COX10: variants seen among roughly 807,000 people sequenced by gnomAD.
COX10 encodes the protein protoheme IX farnesyltransferase, mitochondrial.
In COX10, 27 loss-of-function variants were observed where a neutral mutation model predicts 37.3. The ratio of observed to expected loss-of-function variants is 0.72; its 90% CI spans 0.53 to 1.00. The LOEUF (loss-of-function observed/expected upper bound fraction) is 1.00, where lower values mean the gene tolerates loss of function less well. Ranked by LOEUF, COX10 falls within the 50% of genes least tolerant of loss-of-function variation. The pLI is 0.00. For missense variants in COX10, 475 were observed against 563.2 expected (o/e 0.84, Z 1.59); for synonymous variants, 222 against 229.1 (o/e 0.97, Z 0.28).
intron 6 of COX10, among the ~76,000 whole-genome samples, chr17:14,199,785 T>C (rs1489100031): frequency 6.6e-6 from 1 of 152,216 alleles, no homozygotes; most frequent in Non-Finnish European, 1.5e-5. Flanking sequence ...TCTATTGCAC[T>C]GTTGAAGCTG....
At chr17:14,092,699 A>T (rs894822006) in intron 3 of COX10, among the ~76,000 whole-genome samples, 4 of 152,258 alleles carry the variant, frequency 2.6e-5, no homozygotes, top group Admixed American at 2.0e-4. Flanking sequence ...AGCCTAAAAA[A>T]CTCACTTAAG....
chr17:14,089,202 G>A (rs1392292198), intron 3 of COX10, among the ~76,000 whole-genome samples: 1 of 152,128 alleles, frequency 6.6e-6, no homozygotes, highest in African/African-American at 2.4e-5. Context: ...ACATGAAGCT[G>A]CCTGCCTCTT....
chr17:14,119,517 A>G (rs998564746), intron 4 of COX10, among the ~76,000 whole-genome samples: 1 of 152,220 alleles, frequency 6.6e-6, no homozygotes, highest in Admixed American at 6.5e-5. Flanking sequence ...AAATAATTAT[A>G]AACCTTATTT....
chr17:14,104,396 G>A (rs1169126335), intron 4 of COX10, among the ~76,000 whole-genome samples: 2 of 152,118 alleles, frequency 1.3e-5, no homozygotes, highest in Admixed American at 6.6e-5. Context: ...TTTTTAAATA[G>A]GGTAAGCAGA....
At chr17:14,131,605 C>T (rs909872045) in intron 4 of COX10, among the ~76,000 whole-genome samples, 7 of 151,936 alleles carry the variant, frequency 4.6e-5, no homozygotes, top group Non-Finnish European at 8.8e-5. Flanking sequence ...GCACATAGAG[C>T]AGGTCAAGAA....
At chr17:14,110,877 T>C (rs10521258) in intron 4 of COX10, among the ~76,000 whole-genome samples, 16,417 of 152,148 alleles carry the variant, frequency 0.11, 1,025 homozygotes, top group South Asian at 0.16. Flanking sequence ...AAGGTTTAAT[T>C]TGTGAACATT....
At chr17:14,138,676 C>G (rs1040350304) in intron 4 of COX10, among the ~76,000 whole-genome samples, 1 of 152,184 alleles carries the variant, frequency 6.6e-6, no homozygotes, top group African/African-American at 2.4e-5. Context: ...TCGGTCCTTT[C>G]TCTAAACTTA....
At chr17:14,135,850 G>A (rs1169790464) in intron 4 of COX10, among the ~76,000 whole-genome samples, 1 of 151,882 alleles carries the variant, frequency 6.6e-6, no homozygotes, top group African/African-American at 2.4e-5. Flanking sequence ...AGGCATTTGA[G>A]TAGCAAAGAA....
intron 3 of COX10, among the ~76,000 whole-genome samples, chr17:14,100,613 A>C (rs11650341): frequency 6.6e-6 from 1 of 152,140 alleles, no homozygotes; most frequent in East Asian, 1.9e-4. Flanking sequence ...CTCAAAGAAT[A>C]GAAGAAGTCT....
At position 14,091,059 on chromosome 17, in the gene COX10, T is replaced by C. The variant is rs7220975; in HGVS notation, c.500-11059T>C. Among the ~76,000 whole-genome samples the C allele has an allele frequency of 7.9e-3, 1,199 of 152,326 alleles. 15 individuals are homozygous for C. The highest frequency in any genetic ancestry group is 0.028 in the African/African-American group (1,149 of 41,570). ...ATTATTTTACTGTACTGTAGTAGTT[T>C]AGTGGTTAGTGATGACAGAAAGCAT... On this transcript the variant is annotated intron_variant, in intron 3 of 6. Coordinates refer to ENST00000261643, the MANE Select transcript of COX10 (RefSeq NM_001303.4).
intron 4 of COX10, among the ~76,000 whole-genome samples, chr17:14,106,352 A>G (rs1253500477): frequency 1.3e-5 from 2 of 152,060 alleles, no homozygotes; most frequent in East Asian, 1.9e-4. Flanking sequence ...ATATGGATAT[A>G]CTTTGATTTG....
At chr17:14,149,236 A>G (rs897186905) in intron 4 of COX10, among the ~76,000 whole-genome samples, 2 of 152,010 alleles carry the variant, frequency 1.3e-5, no homozygotes, top group African/African-American at 4.8e-5. Context: ...ACAAAGATTA[A>G]TATAAATACT....
chr17:14,156,567 C>A, intron 4 of COX10, among the ~76,000 whole-genome samples: 1 of 152,144 alleles, frequency 6.6e-6, no homozygotes, highest in African/African-American at 2.4e-5. Flanking sequence ...AGCTACAAGA[C>A]TAGGCTCTTA....
At position 14,076,828 on chromosome 17, in the gene COX10, C is replaced by G; in HGVS notation, c.271C>G (p.Gln91Glu). The G allele has an allele frequency of 6.2e-7, 1 of 1,614,122 alleles. No homozygotes were observed. ...TTTCCTTGAAAAAACATCTTCAGGT[C>G]AAGCCAAAGCAGAAATATATGAGAT... ...SPFLEKTSSGQAKAEIYEMRP... is the reference protein window; with the variant it reads ...SPFLEKTSSGEAKAEIYEMRP... The change falls in exon 3 of 7, where the codon CAA becomes GAA. Residue 91 changes from glutamine (Q) to glutamate (E), a missense_variant. Gln to Glu is a conservative substitution (Grantham distance 29, BLOSUM62 2). This residue lies in a region of COX10 where 242 missense variants were observed against 242.5 expected (regional missense o/e 1.00). Transcript: ENST00000261643.
At chr17:14,117,410 G>GT (rs1271012498) in intron 4 of COX10, among the ~76,000 whole-genome samples, 2 of 152,150 alleles carry the variant, frequency 1.3e-5, no homozygotes, top group Admixed American at 6.5e-5. Flanking sequence ...CTGTTAGCTG[G>GT]TTGTTCTGGG....
chr17:14,099,053 T>A (rs1179955680), intron 3 of COX10, among the ~76,000 whole-genome samples: 1 of 152,164 alleles, frequency 6.6e-6, no homozygotes, highest in African/African-American at 2.4e-5. Context: ...GACTTCTGAT[T>A]AGCCTCTCGT....
intron 5 of COX10, 65 bp downstream of exon 5, chr17:14,160,012 A>G: frequency 1.4e-6 from 2 of 1,425,920 alleles, no homozygotes; most frequent in Non-Finnish European, 2.0e-6. Flanking sequence ...CATCTGAATC[A>G]TTTCCCACTA....
chr17:14,154,691 G>A (rs1003343704), intron 4 of COX10, among the ~76,000 whole-genome samples: 2 of 152,210 alleles, frequency 1.3e-5, no homozygotes, highest in Non-Finnish European at 2.9e-5. Flanking sequence ...ATGAGCAGAA[G>A]TGCATGATGT....
chr17:14,098,189 G>A (rs1915692491), intron 3 of COX10, among the ~76,000 whole-genome samples: 1 of 152,136 alleles, frequency 6.6e-6, no homozygotes, highest in Admixed American at 6.6e-5. Flanking sequence ...CTACGTTTGT[G>A]TTCAAGGCCT....
Sources: allele counts gnomAD v4.1 joint callset (sites outside exome capture counted in the v4.1 genomes callset), GRCh38; gene constraint gnomAD v4.1.1; regional missense constraint gnomAD v4.1.1; transcripts MANE v1.5; gene names NCBI Gene and HGNC (gene_info 2026-07-23, HGNC 2026-07-21).